The following AGMO variants were observed in gnomAD, a reference collection of about 807,000 sequenced individuals.
AGMO encodes the protein glyceryl-ether monooxygenase.
AGMO carries 75 observed loss-of-function variants against 60.2 expected under a neutral mutation model. That is an observed-to-expected ratio of 1.25 (90% CI 1.03 to 1.51). AGMO has a LOEUF of 1.51. Among genes scored for constraint, AGMO ranks in the 40% most tolerant of loss-of-function variants. The probability of loss-of-function intolerance (pLI) is 0.00; values close to 1 mark genes in which losing one functional copy is unlikely to be tolerated. For missense variants in AGMO, 763 were observed against 525.5 expected, an observed-to-expected ratio of 1.45 and a Z score of -4.42; for synonymous variants, 261 against 177.1, an observed-to-expected ratio of 1.47 and a Z score of -3.76.
Position 15,366,150 on chromosome 7 carries a change from G to C in AGMO, c.1147C>G (p.Leu383Val). Reference sequence around the variant, plus strand: ...AATTTCACTTCTTGCCTTTGATCCAGAAGAAATCCAATGGAAGTCAAGGTC... The same window carrying C: ...AATTTCACTTCTTGCCTTTGATCCACAAGAAATCCAATGGAAGTCAAGGTC... ...ILTLTSIGFL[L>V]DQRPKAAIME... Residue 383 changes from leucine (L) to valine (V), a missense_variant, in exon 11 of 13, where the codon CTG becomes GTG. Physicochemically the swap from Leu to Val is conservative, Grantham distance 32. Coordinates refer to ENST00000342526, the MANE Select transcript of AGMO (RefSeq NM_001004320.2). 1.9e-6 allele frequency: 3 copies of C among 1,606,788 alleles called. No individual in the cohort carries two copies. Among genetic ancestry groups the C allele is most frequent in the Non-Finnish European group, 2.6e-6 (3 of 1,175,834 alleles).
rs569762965 is a variant in AGMO, at chr7:15,544,762, T to G, written c.409+10A>C. 2 of 1,572,566 alleles carry G rather than the reference T, an allele frequency of 1.3e-6. No homozygotes were observed. The highest frequency in any genetic ancestry group is 2.4e-5 in the South Asian group (2 of 83,936). On this transcript the variant is annotated intron_variant, in intron 3 of 12. Transcript: ENST00000342526. ...CATAAGTTAACAAAAAGTCCTCATT[T>G]GCAGCTTACCATGAGCCATACGATG... is the stretch of plus-strand genomic sequence containing the variant.
At chr7:15,478,870 C>A (rs1782668702) in intron 3 of AGMO, among the ~76,000 whole-genome samples, 1 of 152,088 alleles carries the variant, frequency 6.6e-6, no homozygotes. Context: ...ATATACACCC[C>A]AGATAATTAG....
intron 12 of AGMO, among the ~76,000 whole-genome samples, chr7:15,236,106 C>T (rs973248096): frequency 6.6e-6 from 1 of 151,946 alleles, no homozygotes; most frequent in Admixed American, 6.6e-5. Flanking sequence ...GGGGAAAGCA[C>T]AAGGAATTCA....
At chr7:15,129,830 T>C in the AGMO span, among the ~76,000 whole-genome samples, 1 of 152,156 alleles carries the variant, frequency 6.6e-6, no homozygotes, top group East Asian at 1.9e-4. Flanking sequence ...AATATTCATT[T>C]AGTGATAGGG....
the AGMO span, among the ~76,000 whole-genome samples, chr7:15,166,146 G>C: frequency 3.9e-5 from 6 of 152,124 alleles, no homozygotes; most frequent in Admixed American, 3.3e-4. Context: ...ATCGATTCTA[G>C]AGACGTGAGA....
At chr7:15,225,501 T>G (rs531501771) in intron 12 of AGMO, among the ~76,000 whole-genome samples, 27 of 151,950 alleles carry the variant, frequency 1.8e-4, no homozygotes, top group Non-Finnish European at 2.1e-4. Flanking sequence ...GTGTGAAAAT[T>G]TACCATCCTA....
At chr7:15,360,451 A>G (rs114818470) in intron 12 of AGMO, among the ~76,000 whole-genome samples, 186 of 152,344 alleles carry the variant, frequency 1.2e-3, no homozygotes, top group African/African-American at 4.3e-3. Context: ...CATATTCTGT[A>G]TGCTGAATGT....
intron 12 of AGMO, among the ~76,000 whole-genome samples, chr7:15,322,517 A>AAT (rs1330853560): frequency 1.3e-5 from 1 of 74,918 alleles, no homozygotes; most frequent in African/African-American, 6.6e-5. Context: ...TATATATATA[A>AAT]ATATATATAA....
At chr7:15,230,982 A>G (rs1188366151) in intron 12 of AGMO, among the ~76,000 whole-genome samples, 1 of 152,028 alleles carries the variant, frequency 6.6e-6, no homozygotes, top group Non-Finnish European at 1.5e-5. Context: ...TAACTCTTTC[A>G]TTTTTGGCTT....
At chr7:15,364,868 A>C (rs1048956997) in intron 12 of AGMO, among the ~76,000 whole-genome samples, 2 of 152,092 alleles carry the variant, frequency 1.3e-5, no homozygotes, top group Non-Finnish European at 2.9e-5. Context: ...TTGGCACCAA[A>C]GTTAAACAAT....
chr7:15,489,532 T>C (rs1197133587), intron 3 of AGMO, among the ~76,000 whole-genome samples: 1 of 152,148 alleles, frequency 6.6e-6, no homozygotes, highest in Non-Finnish European at 1.5e-5. Flanking sequence ...CCAGGAAAGA[T>C]TTATGGAGCT....
At chr7:15,163,747 C>T in the AGMO span, among the ~76,000 whole-genome samples, 86 of 150,992 alleles carry the variant, frequency 5.7e-4, no homozygotes, top group Non-Finnish European at 1.2e-3. Context: ...ATTTTTGCAT[C>T]TATGTTCATC....
rs146853695 is a variant in AGMO, at chr7:15,430,041, T to C, written c.513+964A>G. ...CTTTATTAGTGGTGTGACTGAACTA[T>C]AGACTCAGCTCTACTATTTTAAAAT... On this transcript the variant is annotated intron_variant, in intron 4 of 12. Coordinates refer to ENST00000342526, the MANE Select transcript of AGMO (RefSeq NM_001004320.2). 1.4e-4 allele frequency among the ~76,000 whole-genome samples: 22 copies of C among 152,062 alleles called. No individual in the cohort carries two copies. In the East Asian group the frequency reaches 4.1e-3, roughly 28 times the overall value.
intron 3 of AGMO, among the ~76,000 whole-genome samples, chr7:15,481,660 G>T (rs1407760164): frequency 6.6e-6 from 1 of 151,962 alleles, no homozygotes; most frequent in Non-Finnish European, 1.5e-5. Context: ...ACTGATAAAA[G>T]AAGCAGGCAA....
In AGMO at chr7:15,256,790, T is replaced by G. The variant is rs527381198; in HGVS notation, c.1264-55431A>C. On this transcript the variant is annotated intron_variant, in intron 12 of 12. Coordinates refer to ENST00000342526, the MANE Select transcript of AGMO (RefSeq NM_001004320.2). ...ATAGGCTAAACCATATAGCCAGGTG[T>G]GTAGTAGGCTATTCCACCTAGGTTT... is the stretch of plus-strand genomic sequence containing the variant. Among the ~76,000 whole-genome samples, 6 of 152,296 alleles carry G rather than the reference T, an allele frequency of 3.9e-5. No homozygotes were observed. The South Asian group carries it at 1.2e-3, about 32-fold the overall frequency.
intron 9 of AGMO, 112 bp from the exon 10 acceptor site, chr7:15,385,674 C>T: frequency 2.9e-6 from 2 of 696,634 alleles, no homozygotes; most frequent in Non-Finnish European, 5.0e-6. Flanking sequence ...TAAAAAAAGA[C>T]AAACATAATT....
intron 10 of AGMO, among the ~76,000 whole-genome samples, chr7:15,383,860 ATCTCTTCCAT>A (rs1783798533): frequency 1.3e-5 from 2 of 151,962 alleles, no homozygotes; most frequent in African/African-American, 2.4e-5. Flanking sequence ...TGAAGATAAC[ATCTCTTCCAT>A]GTTTTTAATC....
intron 10 of AGMO, among the ~76,000 whole-genome samples, chr7:15,371,241 CAG>C (rs545829272): frequency 8.1e-4 from 123 of 152,128 alleles, no homozygotes; most frequent in African/African-American, 2.8e-3. Flanking sequence ...ATTTTTGAAA[CAG>C]AGTTTTACTC....
At chr7:15,281,020 G>C (rs960747725) in intron 12 of AGMO, among the ~76,000 whole-genome samples, 10 of 152,156 alleles carry the variant, frequency 6.6e-5, no homozygotes, top group Non-Finnish European at 1.5e-4. Flanking sequence ...TAGACTCAGA[G>C]GAGCAGCAGC....
Sources: allele counts gnomAD v4.1 joint callset (sites outside exome capture counted in the v4.1 genomes callset), GRCh38; gene constraint gnomAD v4.1.1; transcripts MANE v1.5; gene names NCBI Gene and HGNC (gene_info 2026-07-23, HGNC 2026-07-21).